The following PLA2R1 variants were observed in gnomAD, a reference collection of about 807,000 sequenced individuals.
PLA2R1 encodes the protein phospholipase A2 receptor 1.
Under a neutral mutation model 195.9 loss-of-function variants are expected in PLA2R1, and 158 were observed. That is an observed-to-expected ratio of 0.81 (90% CI 0.71 to 0.92). PLA2R1 has a LOEUF of 0.92. Ranked by LOEUF, PLA2R1 falls within the 40% of genes least tolerant of loss-of-function variation. The pLI, the probability that PLA2R1 is intolerant of heterozygous loss-of-function variation, is 0.00. For synonymous variants in PLA2R1, 586 were observed against 598.2 expected (o/e 0.98, Z 0.30); for missense variants, 1,626 against 1,764.6 (o/e 0.92, Z 1.41).
At chr2:160,010,347 T>C (rs918392821) in intron 10 of PLA2R1, among the ~76,000 whole-genome samples, 1 of 152,238 alleles carries the variant, frequency 6.6e-6, no homozygotes, top group African/African-American at 2.4e-5. Flanking sequence ...TGAAAAAATT[T>C]TGTAACAATC....
chr2:159,969,552 AT>A (rs913633373), intron 18 of PLA2R1, among the ~76,000 whole-genome samples, 193 bp from the exon 19 acceptor site: 2 of 151,912 alleles, frequency 1.3e-5, no homozygotes, highest in African/African-American at 2.4e-5. Context: ...AAGGTGGTAG[AT>A]TTTTTTTGAG....
chr2:159,977,819 T>A (rs929786663), intron 14 of PLA2R1, among the ~76,000 whole-genome samples: 3 of 152,030 alleles, frequency 2.0e-5, no homozygotes, highest in African/African-American at 7.2e-5. Flanking sequence ...GGTGGGCACC[T>A]GTAGTCCCAG....
In PLA2R1 at chr2:159,947,434, A is replaced by G; in HGVS notation, c.3835T>C (p.Phe1279Leu). The change falls in exon 26 of 30, where the codon TTT (phenylalanine) becomes CTT (leucine). Residue 1279 changes from phenylalanine to leucine, a missense_variant. Phe to Leu is a conservative substitution (Grantham distance 22). Coordinates refer to ENST00000283243, the MANE Select transcript of PLA2R1 (RefSeq NM_007366.5). ...AAACAATTACCTTCCTTTTTGCAAAATTCATGAGCAGCCTCAAAACTCATA... is the reference window on the plus strand; with the variant it reads ...AAACAATTACCTTCCTTTTTGCAAAGTTCATGAGCAGCCTCAAAACTCATA... ...DSMSFEAAHE[F>L]CKKEGSNLLT... The G allele has an allele frequency of 1.3e-6, 2 of 1,595,764 alleles. No homozygotes were observed. The highest frequency in any genetic ancestry group is 1.7e-6 in the Non-Finnish European group (2 of 1,174,846).
chr2:159,977,600 A>AT (rs74335673), intron 14 of PLA2R1, among the ~76,000 whole-genome samples, 184 bp from the exon 15 acceptor site: 54,507 of 151,978 alleles, frequency 0.36, 12,305 homozygotes, highest in Non-Finnish European at 0.49. Flanking sequence ...AATATTTAGC[A>AT]TTTTTTTCTT....
chr2:159,974,377 G>T (rs1247010475), intron 17 of PLA2R1, among the ~76,000 whole-genome samples: 1 of 152,168 alleles, frequency 6.6e-6, no homozygotes, highest in East Asian at 1.9e-4. Flanking sequence ...CTGTAAAAAT[G>T]TACTAATAAT....
chr2:160,005,643 T>A lies in PLA2R1; in HGVS notation c.1834+9A>T. ...AGGGAGGGTTGGTGATGCAGCACAC[T>A]CTACTCACGCGGCTGGTGTGTGTTC... On this transcript the variant is annotated intron_variant, in intron 11 of 29. Coordinates refer to ENST00000283243, the MANE Select transcript of PLA2R1 (RefSeq NM_007366.5). 6.2e-7 allele frequency: 1 copy of A among 1,610,236 alleles called. No homozygotes were observed. The highest frequency in any genetic ancestry group is 8.5e-7 in the Non-Finnish European group (1 of 1,177,108).
rs569210525 is a variant in PLA2R1 at position 160,058,623 on chromosome 2, CT to C, written c.109+3671del. On this transcript the variant is annotated intron_variant, in intron 1 of 29. Coordinates refer to ENST00000283243, the MANE Select transcript of PLA2R1 (RefSeq NM_007366.5). Reference sequence around the variant, plus strand: ...AGTTTTCACCAGGATGCTCCATCCCCTTCTTCTTTCTCCCCGCTGTCCACTT... The same window carrying C: ...AGTTTTCACCAGGATGCTCCATCCCCTCTTCTTTCTCCCCGCTGTCCACTT... Among the ~76,000 whole-genome samples the C allele has an allele frequency of 1.2e-4, 19 of 152,308 alleles. No individual in the cohort carries two copies. The South Asian group carries it at 3.5e-3, about 28-fold the overall frequency.
downstream of PLA2R1, among the ~76,000 whole-genome samples, chr2:159,931,730 G>T (rs1686598198): frequency 1.3e-5 from 2 of 151,916 alleles, no homozygotes; most frequent in African/African-American, 4.8e-5. Context: ...CAGAGACAGG[G>T]TTTCATTTTC....
downstream of PLA2R1, among the ~76,000 whole-genome samples, chr2:159,929,275 G>C (rs1244627632): frequency 6.6e-6 from 1 of 152,162 alleles, no homozygotes; most frequent in Non-Finnish European, 1.5e-5. Flanking sequence ...CTAACATCCA[G>C]AATCGACATG....
chr2:159,939,164 C>T lies in PLA2R1; in HGVS notation c.*2614G>A, dbSNP rs762787961. On this transcript the variant is annotated 3_prime_UTR_variant, in exon 30 of 30. Transcript: ENST00000283243. ...TAGTGTATAATATACCCATTACCTGCTACTTTTTTTTCTTTTCGAATTATA... is the reference window on the plus strand; with the variant it reads ...TAGTGTATAATATACCCATTACCTGTTACTTTTTTTTCTTTTCGAATTATA... The T allele has an allele frequency of 2.0e-5, 3 of 152,070 alleles. No individual in the cohort carries two copies. Among genetic ancestry groups the T allele is most frequent in the Non-Finnish European group, 2.9e-5 (2 of 68,016 alleles). 9.4% of individuals were successfully genotyped at this position (152,070 alleles called of 1,614,324 possible). A position where few individuals can be genotyped will look rare whatever the true frequency, so the allele number is the denominator to read the frequency against.
chr2:160,062,482 C>T lies in PLA2R1; in HGVS notation c.-79G>A, dbSNP rs1451339806. On this transcript the variant is annotated 5_prime_UTR_variant, in exon 1 of 30. It adds an upstream start codon to the 5' untranslated region. Coordinates refer to ENST00000283243, the MANE Select transcript of PLA2R1 (RefSeq NM_007366.5). ...GGAGCCCAGAGCCGCGTCCCAAGCA[C>T]CCGGCCCCGCCGCGCGGAAGCGGAT... is the stretch of plus-strand genomic sequence containing the variant. 1.9e-5 allele frequency: 27 copies of T among 1,439,096 alleles called. No homozygotes were observed. Among genetic ancestry groups the T allele is most frequent in the Non-Finnish European group, 2.4e-5 (26 of 1,100,756 alleles). 89.1% of individuals were successfully genotyped at this position (1,439,096 alleles called of 1,614,324 possible). A position where few individuals can be genotyped will look rare whatever the true frequency, so the allele number is the denominator to read the frequency against.
At chr2:160,013,544 T>C (rs573866846) in intron 9 of PLA2R1, among the ~76,000 whole-genome samples, 169 bp from the exon 10 acceptor site, 1 of 152,294 alleles carries the variant, frequency 6.6e-6, no homozygotes, top group South Asian at 2.1e-4. Context: ...AGTAATGCCA[T>C]TAACTACACC....
intron 11 of PLA2R1, among the ~76,000 whole-genome samples, chr2:159,989,424 T>TC (rs1389830286): frequency 6.6e-6 from 1 of 152,138 alleles, no homozygotes; most frequent in Non-Finnish European, 1.5e-5. Flanking sequence ...AACGCACACA[T>TC]CCTGCTCCAT....
chr2:159,976,552 A>C, intron 16 of PLA2R1, 133 bp downstream of exon 16: 2 of 647,954 alleles, frequency 3.1e-6, no homozygotes, highest in Non-Finnish European at 5.5e-6. Flanking sequence ...ATTTGAACAA[A>C]TTAGCTCTAG....
chr2:159,951,414 A>T lies in PLA2R1; in HGVS notation c.3466T>A (p.Tyr1156Asn), dbSNP rs761301018. The T allele has an allele frequency of 6.2e-7, 1 of 1,614,004 alleles. No homozygotes were observed. Among genetic ancestry groups the T allele is most frequent in the Non-Finnish European group, 8.5e-7 (1 of 1,179,896 alleles). Residue 1156 changes from tyrosine to asparagine, a missense_variant, in exon 24 of 30, where the codon TAT (tyrosine) becomes AAT (asparagine). Tyr to Asn is a moderately radical substitution (Grantham distance 143). Transcript: ENST00000283243. ...KAQLVSITDQ[Y>N]HQSFLTVVLN... ...ACAACAGTGAGGAAGGACTGGTGAT[A>T]CTGGTCTGTGATGCTGACCAGTTGT... is the stretch of plus-strand genomic sequence containing the variant.
intron 16 of PLA2R1, 63 bp from the exon 17 acceptor site, chr2:159,976,288 A>G: frequency 8.5e-7 from 1 of 1,174,702 alleles, no homozygotes. Context: ...ATTGACCCCA[A>G]ATTTGAGATT....
chr2:159,961,772 T>A (rs75020258), intron 20 of PLA2R1, among the ~76,000 whole-genome samples: 1 of 152,050 alleles, frequency 6.6e-6, no homozygotes, highest in African/African-American at 2.4e-5. Flanking sequence ...GGAGGACACA[T>A]GGGATGGAGG....
At chr2:160,005,845 GT>G in intron 10 of PLA2R1, 24 bp from the exon 11 acceptor site, 1 of 1,538,858 alleles carries the variant, frequency 6.5e-7, no homozygotes, top group Non-Finnish European at 9.0e-7. Context: ...AAAAGAAGTG[GT>G]TACATTAAGT....
At chr2:160,018,223 C>A (rs139283776) in intron 8 of PLA2R1, among the ~76,000 whole-genome samples, 1 of 152,036 alleles carries the variant, frequency 6.6e-6, no homozygotes, top group African/African-American at 2.4e-5. Flanking sequence ...AAAAAAAAAT[C>A]TCTGTCCAAA....
Sources: gnomAD v4.1 joint callset for allele counts (sites outside exome capture counted in the v4.1 genomes callset) on GRCh38, gnomAD v4.1.1 for gene constraint, MANE v1.5 for transcripts, NCBI Gene and HGNC (gene_info 2026-07-23, HGNC 2026-07-21) for gene names.